The following PSMA1 variants were observed in gnomAD, a reference collection of about 807,000 sequenced individuals.
PSMA1 encodes proteasome 20S subunit alpha 1.
PSMA1 carries 3 observed loss-of-function variants against 38.4 expected under a neutral mutation model. The ratio of observed to expected loss-of-function variants is 0.08; its 90% CI spans 0.04 to 0.20. PSMA1 has a LOEUF of 0.20. PSMA1 is among the 10% of genes least tolerant of loss of function. The pLI, the probability that PSMA1 is intolerant of heterozygous loss-of-function variation, is 1.00. For missense variants in PSMA1, 227 were observed against 325.3 expected (o/e 0.70, Z 2.32); for synonymous variants, 101 against 107.1 (o/e 0.94, Z 0.35).
At chr11:14,604,199 A>G (rs1457386868) in intron 2 of PSMA1, among the ~76,000 whole-genome samples, 1 of 152,178 alleles carries the variant, frequency 6.6e-6, no homozygotes, top group African/African-American at 2.4e-5. Context: ...AGCTGGGATT[A>G]CAGGCATATG....
At chr11:14,524,016 T>C (rs1383366210), upstream of PSMA1, among the ~76,000 whole-genome samples, 3 of 147,156 alleles carry the variant, frequency 2.0e-5, no homozygotes, top group African/African-American at 7.6e-5. Flanking sequence ...GGCTCACACC[T>C]GTAATCCCGA....
rs34292683 is a variant in PSMA1, at chr11:14,616,231, G to GTT, written c.-165-5082_-165-5081dup. Among the ~76,000 whole-genome samples, 1,166 of 126,624 alleles carry GTT rather than the reference G, an allele frequency of 9.2e-3. 173 individuals carry two copies. Among genetic ancestry groups the GTT allele is most frequent in the South Asian group, 0.031 (120 of 3,840 alleles). The allele number at this position is 126,624 out of a possible 152,430, so 83.1% of individuals were successfully genotyped here. ...AGGTGAGAGTTGGAGGATCCCAACAGTTTTTTTTTTTTTTTTTTTTGAGAC... is the reference window on the plus strand; with the variant it reads ...AGGTGAGAGTTGGAGGATCCCAACAGTTTTTTTTTTTTTTTTTTTTTTGAGAC... On this transcript the variant is annotated intron_variant, in intron 1 of 10. Transcript: ENST00000418988.
At chr11:14,535,209 A>G (rs770775288) in intron 2 of PSMA1, among the ~76,000 whole-genome samples, 2 of 152,040 alleles carry the variant, frequency 1.3e-5, no homozygotes, top group Non-Finnish European at 2.9e-5. Context: ...GCAATCTGGA[A>G]TTAATAGACA....
intron 2 of PSMA1, among the ~76,000 whole-genome samples, chr11:14,594,084 T>C (rs994175494): frequency 6.6e-5 from 10 of 152,096 alleles, no homozygotes; most frequent in Non-Finnish European, 1.0e-4. Context: ...CTAATGTTAA[T>C]AATGAGAATG....
At chr11:14,598,041 C>A (rs1852523953) in intron 2 of PSMA1, among the ~76,000 whole-genome samples, 1 of 152,166 alleles carries the variant, frequency 6.6e-6, no homozygotes, top group Admixed American at 6.5e-5. Flanking sequence ...TGTTCAGTTT[C>A]CATGTAGTTG....
chr11:14,635,381 C>G lies in PSMA1; in HGVS notation c.-166+8074G>C, dbSNP rs573931026. 7.9e-5 allele frequency among the ~76,000 whole-genome samples: 12 copies of G among 152,260 alleles called. No homozygotes were observed. The South Asian group carries it at 2.5e-3, about 32-fold the overall frequency. On this transcript the variant is annotated intron_variant, in intron 1 of 10. Transcript: ENST00000418988. ...ACATTTAATATAGTTACCAAAGCAC[C>G]AGACCATGCTAGAGAGTTGTCACTG...
intron 1 of PSMA1, among the ~76,000 whole-genome samples, chr11:14,621,522 T>C (rs546753137): frequency 6.6e-6 from 1 of 152,178 alleles, no homozygotes; most frequent in East Asian, 1.9e-4. Context: ...CCTCCCACCT[T>C]GGCCTCCTAA....
At chr11:14,588,596 T>C (rs1414782465) in intron 2 of PSMA1, among the ~76,000 whole-genome samples, 1 of 152,180 alleles carries the variant, frequency 6.6e-6, no homozygotes, top group Non-Finnish European at 1.5e-5. Context: ...GATAGATTGA[T>C]AGGAAGGATG....
intron 2 of PSMA1, among the ~76,000 whole-genome samples, chr11:14,576,711 C>T (rs1420066819): frequency 6.6e-6 from 1 of 152,174 alleles, no homozygotes; most frequent in Non-Finnish European, 1.5e-5. Flanking sequence ...AGTCAGATAG[C>T]ATGATGCCTC....
intron 2 of PSMA1, among the ~76,000 whole-genome samples, chr11:14,597,443 A>G (rs111657458): frequency 0.13 from 19,861 of 152,046 alleles, 1,517 homozygotes; most frequent in African/African-American, 0.2. Context: ...GTCTATTCAG[A>G]GATTCAACTT....
rs1279498388 is a variant in PSMA1, at chr11:14,504,978, G to A, written c.*214C>T. The stretch of plus-strand genomic sequence containing the variant: ...TTAGTATAGATACCCATACTTTCTA[G>A]AAAATGATTATACAGACCCTTTCAA... On this transcript the variant is annotated 3_prime_UTR_variant, in exon 10 of 10. Coordinates refer to ENST00000396394, the MANE Select transcript of PSMA1 (RefSeq NM_002786.4). The A allele has an allele frequency of 1.7e-5, 9 of 515,342 alleles. No individual in the cohort carries two copies. The highest frequency in any genetic ancestry group is 2.8e-5 in the Non-Finnish European group (8 of 288,230). 31.9% of individuals were successfully genotyped at this position (515,342 alleles called of 1,614,324 possible). A position where few individuals can be genotyped will look rare whatever the true frequency, so the allele number is the denominator to read the frequency against.
intron 2 of PSMA1, among the ~76,000 whole-genome samples, chr11:14,594,353 A>C (rs1852460230): frequency 6.6e-6 from 1 of 152,132 alleles, no homozygotes; most frequent in Non-Finnish European, 1.5e-5. Context: ...GGGAAGTCCA[A>C]ATAGAGAGAT....
intron 7 of PSMA1, among the ~76,000 whole-genome samples, chr11:14,512,828 C>G (rs1851366943): frequency 6.6e-6 from 1 of 152,160 alleles, no homozygotes; most frequent in Admixed American, 6.5e-5. Flanking sequence ...CTTGGGGACC[C>G]CAAACCATTT....
chr11:14,575,366 C>T (rs1176525813), intron 2 of PSMA1, among the ~76,000 whole-genome samples: 12 of 151,972 alleles, frequency 7.9e-5, no homozygotes, highest in East Asian at 1.9e-4. Flanking sequence ...TCCATTAACT[C>T]GTCATTTACA....
At chr11:14,613,276 G>A (rs920013232) in intron 1 of PSMA1, among the ~76,000 whole-genome samples, 6 of 142,992 alleles carry the variant, frequency 4.2e-5, no homozygotes, top group East Asian at 2.1e-4. Context: ...AGAGGTTGCA[G>A]TGAGCCGAGA....
intron 1 of PSMA1, among the ~76,000 whole-genome samples, chr11:14,635,917 G>A (rs1466610633): frequency 6.6e-6 from 1 of 152,156 alleles, no homozygotes; most frequent in Non-Finnish European, 1.5e-5. Context: ...CAAAATAAGT[G>A]TTGGTTTATC....
intron 2 of PSMA1, among the ~76,000 whole-genome samples, chr11:14,580,576 T>C (rs1191201643): frequency 1.3e-5 from 2 of 152,184 alleles, no homozygotes; most frequent in Admixed American, 1.3e-4. Context: ...TCTAGAAAGA[T>C]AAAACTGTGT....
At chr11:14,526,525 A>C (rs1373120313) in intron 2 of PSMA1, among the ~76,000 whole-genome samples, 1 of 152,118 alleles carries the variant, frequency 6.6e-6, no homozygotes, top group African/African-American at 2.4e-5. Context: ...TCAAAATCAC[A>C]AACTATGCTC....
intron 1 of PSMA1, among the ~76,000 whole-genome samples, chr11:14,616,091 G>A (rs1169373582): frequency 6.6e-6 from 1 of 152,118 alleles, no homozygotes; most frequent in Admixed American, 6.6e-5. Flanking sequence ...CCTGGCATCT[G>A]GCACCTACTG....
Sources: gnomAD v4.1 joint callset for allele counts (sites outside exome capture counted in the v4.1 genomes callset) on GRCh38, gnomAD v4.1.1 for gene constraint, MANE v1.5 for transcripts, NCBI Gene and HGNC (gene_info 2026-07-23, HGNC 2026-07-21) for gene names.